Variants in MMUT observed in about 807,000 individuals in gnomAD.
The protein encoded by MMUT is methylmalonyl-CoA mutase, mitochondrial.
Under a neutral mutation model 79.9 loss-of-function variants are expected in MMUT, and 79 were observed. The ratio of observed to expected loss-of-function variants is 0.99; its 90% CI spans 0.82 to 1.19. The LOEUF is 1.19. Ranked by LOEUF, MMUT falls within the 50% of genes most tolerant of loss-of-function variation. The pLI, the probability that MMUT is intolerant of heterozygous loss-of-function variation, is 0.00. For synonymous variants in MMUT, 273 were observed against 295.7 expected, an observed-to-expected ratio of 0.92 and a Z score of 0.79; for missense variants, 860 against 917.2, an observed-to-expected ratio of 0.94 and a Z score of 0.81.
chr6:49,446,241 C>G (rs1767407582), intron 8 of MMUT, among the ~76,000 whole-genome samples: 1 of 151,734 alleles, frequency 6.6e-6, no homozygotes. Flanking sequence ...ATTACCACCA[C>G]AGGTAAAATA....
intron 1 of MMUT, among the ~76,000 whole-genome samples, chr6:49,461,142 T>C (rs1039989431): frequency 6.6e-6 from 1 of 152,148 alleles, no homozygotes; most frequent in Non-Finnish European, 1.5e-5. Context: ...GCAAAACTAA[T>C]CTTTGATGTC....
At chr6:49,449,123 A>T (rs1157969835) in intron 6 of MMUT, among the ~76,000 whole-genome samples, 196 bp from the exon 7 acceptor site, 1 of 152,126 alleles carries the variant, frequency 6.6e-6, no homozygotes, top group African/African-American at 2.4e-5. Flanking sequence ...ACTTGAAAAG[A>T]CAACTAACAA....
intron 5 of MMUT, among the ~76,000 whole-genome samples, chr6:49,452,721 A>T (rs1393365201): frequency 1.3e-5 from 2 of 152,310 alleles, no homozygotes; most frequent in East Asian, 3.9e-4. Flanking sequence ...AAAGCAATGT[A>T]ACTTTGCACA....
At position 49,447,669 on chromosome 6, in the gene MMUT, C is replaced by A. The variant is rs200019422; in HGVS notation, c.1560+1G>T. 7 of 1,528,846 alleles carry A rather than the reference C, an allele frequency of 4.6e-6. No individual in the cohort carries two copies. In the East Asian group the frequency reaches 9.1e-5, roughly 20 times the overall value. The allele number at this position is 1,528,846 out of a possible 1,614,324, so 94.7% of individuals were successfully genotyped here. A position where few individuals can be genotyped will look rare whatever the true frequency, so the allele number is the denominator to read the frequency against. On this transcript the variant is annotated splice_donor_variant, in intron 8 of 12. Coordinates refer to ENST00000274813, the MANE Select transcript of MMUT (RefSeq NM_000255.4). LOFTEE classifies it high-confidence loss of function. ...AAAAAAAAAAAGCAAGCTATTAATA[C>A]CTTCTTAAGTTTTTCAATCTGCCTG...
intron 5 of MMUT, among the ~76,000 whole-genome samples, chr6:49,452,956 A>C (rs999486769): frequency 4.6e-5 from 7 of 151,700 alleles, no homozygotes; most frequent in African/African-American, 1.7e-4. Flanking sequence ...GTTAAGAATT[A>C]TAACTCTTAC....
chr6:49,456,102 T>G lies in MMUT; in HGVS notation c.889A>C (p.Thr297Pro). The change falls in exon 4 of 13, where the codon ACA becomes CCA. Residue 297 changes from threonine to proline, a missense_variant. Coordinates refer to ENST00000274813, the MANE Select transcript of MMUT (RefSeq NM_000255.4). Reference protein sequence around the residue: ...YSRTGLQAGLTIDEFAPRLSF... With the variant: ...YSRTGLQAGLPIDEFAPRLSF... ...CACCTTGGTGCAAATTCATCAATTG[T>G]CAGGCCAGCCTGGAGTCCAGTTCTA... 6.2e-7 allele frequency: 1 copy of G among 1,613,716 alleles called. No individual in the cohort carries two copies. The highest frequency in any genetic ancestry group is 1.3e-5 in the African/African-American group (1 of 75,048).
chr6:49,448,873 T>C lies in MMUT; in HGVS notation c.1387A>G (p.Ile463Val). Residue 463 changes from isoleucine (I) to valine (V), a missense_variant, in exon 7 of 13, where the codon ATA becomes GTA. By Grantham distance (29) the Ile-to-Val change is conservative. Transcript: ENST00000274813. ...GGMAKAVAEG[I>V]PKLRIEECAA... is the part of the protein sequence containing the mutation. ...CATTCTTCAATTCGAAGTTTAGGTA[T>C]TCCCTCAGCTACAGCTTTGGCCATT... 6.2e-7 allele frequency: 1 copy of C among 1,613,696 alleles called. No homozygotes were observed.
rs5876116 is a variant in MMUT at position 49,453,039 on chromosome 6, G to GTTT, written c.1083+543_1083+545dup. 2.4e-4 allele frequency among the ~76,000 whole-genome samples: 28 copies of GTTT among 116,172 alleles called. 1 individual carries two copies. Among genetic ancestry groups the GTTT allele is most frequent in the South Asian group, 2.0e-3 (7 of 3,488 alleles). 76.2% of individuals were successfully genotyped at this position (116,172 alleles called of 152,430 possible). On this transcript the variant is annotated intron_variant, in intron 5 of 12. Coordinates refer to ENST00000274813, the MANE Select transcript of MMUT (RefSeq NM_000255.4). ...CAAATTCTGTTTTCTTTCTTTCTTT[G>GTTT]TTTTTTTTTTTTTTTTTTTTAGACG...
At chr6:49,440,129 G>A in intron 11 of MMUT, 77 bp downstream of exon 11, 1 of 1,561,948 alleles carries the variant, frequency 6.4e-7, no homozygotes, top group Non-Finnish European at 8.8e-7. Context: ...CTCAATGTCT[G>A]TCATCATTTT....
At chr6:49,462,898 T>C (rs1767892609) in intron 1 of MMUT, among the ~76,000 whole-genome samples, 2 of 152,196 alleles carry the variant, frequency 1.3e-5, no homozygotes, top group Admixed American at 1.3e-4. Context: ...TGCCAGGGAC[T>C]TCGCCCAAAA....
rs1767369639 is a variant in MMUT, at chr6:49,444,749, T to C, written c.1566A>G (p.Lys522=). ...NRQIEKLKKI[K]SSRDQALAER... is the part of the protein sequence containing the mutation. Reference sequence around the variant, plus strand: ...CAGCCAAAGCTTGATCCCTGCTGGATTTGATCTATGGAAAAAGTCAAGGAA... The same window carrying C: ...CAGCCAAAGCTTGATCCCTGCTGGACTTGATCTATGGAAAAAGTCAAGGAA... Residue 522 remains lysine (K), a synonymous_variant, in exon 9 of 13, where the codon AAA becomes AAG. Coordinates refer to ENST00000274813, the MANE Select transcript of MMUT (RefSeq NM_000255.4). 6.2e-7 allele frequency: 1 copy of C among 1,611,794 alleles called. No individual in the cohort carries two copies. The highest frequency in any genetic ancestry group is 1.7e-5 in the Admixed American group (1 of 59,920).
chr6:49,458,592 T>A (rs1767755056), intron 2 of MMUT, among the ~76,000 whole-genome samples: 1 of 152,354 alleles, frequency 6.6e-6, no homozygotes, highest in South Asian at 2.1e-4. Flanking sequence ...TACAAACTTA[T>A]AAATCTACAA....
chr6:49,433,227 G>A (rs1218088190), intron 12 of MMUT, among the ~76,000 whole-genome samples: 1 of 152,120 alleles, frequency 6.6e-6, no homozygotes, highest in Non-Finnish European at 1.5e-5. Context: ...AATTGGAGAT[G>A]TCAGATTAAT....
chr6:49,458,007 T>C lies in MMUT; in HGVS notation c.437A>G (p.Tyr146Cys), dbSNP rs528689712. ...VAFDLATHRGYDSDNPRVRGD... is the reference protein window; with the variant it reads ...VAFDLATHRGCDSDNPRVRGD... Reference sequence around the variant, plus strand: ...ACGAACTCGAGGGTTGTCTGAATCATAGCCACGATGTGTCGCCAGATCAAA... The same window carrying C: ...ACGAACTCGAGGGTTGTCTGAATCACAGCCACGATGTGTCGCCAGATCAAA... Residue 146 changes from tyrosine (Y) to cysteine (C), a missense_variant, in exon 3 of 13, where the codon TAT becomes TGT. By Grantham distance (194) the Tyr-to-Cys change is radical. Transcript: ENST00000274813. 2.4e-5 allele frequency: 38 copies of C among 1,604,564 alleles called. No individual in the cohort carries two copies. In the East Asian group the frequency reaches 6.7e-4, roughly 28 times the overall value.
intron 11 of MMUT, among the ~76,000 whole-genome samples, chr6:49,439,851 G>C (rs141739831): frequency 1.6e-4 from 24 of 152,284 alleles, no homozygotes; most frequent in Admixed American, 3.3e-4. Flanking sequence ...GCTACTTCTT[G>C]CTCACTGGAT....
chr6:49,453,490 CT>C, intron 5 of MMUT, 94 bp downstream of exon 5: 1 of 540,696 alleles, frequency 1.8e-6, no homozygotes. Flanking sequence ...TAACAGATAG[CT>C]TCTTAATTCT....
intron 1 of MMUT, among the ~76,000 whole-genome samples, chr6:49,462,096 A>C (rs925298371): frequency 6.6e-6 from 1 of 152,178 alleles, no homozygotes; most frequent in African/African-American, 2.4e-5. Context: ...GGAGGCTGGA[A>C]ACAGACACCA....
chr6:49,447,572 T>A, intron 8 of MMUT, 98 bp downstream of exon 8: 12 of 709,798 alleles, frequency 1.7e-5, no homozygotes, highest in Admixed American at 9.5e-5. Flanking sequence ...CCTCATGCTG[T>A]TGTAAGGATT....
At chr6:49,456,666 C>A (rs1262357042) in intron 3 of MMUT, among the ~76,000 whole-genome samples, 1 of 151,968 alleles carries the variant, frequency 6.6e-6, no homozygotes, top group Non-Finnish European at 1.5e-5. Flanking sequence ...TTATTATTTA[C>A]TAGTTATTAA....
Sources: allele counts gnomAD v4.1 joint callset (sites outside exome capture counted in the v4.1 genomes callset), GRCh38; gene constraint gnomAD v4.1.1; transcripts MANE v1.5; gene names NCBI Gene and HGNC (gene_info 2026-07-23, HGNC 2026-07-21).